MDGA2: variants seen among roughly 807,000 people sequenced by gnomAD.
The protein encoded by MDGA2 is MAM domain-containing glycosylphosphatidylinositol anchor protein 2.
In MDGA2, 40 loss-of-function variants were observed where a neutral mutation model predicts 117.8. That is an observed-to-expected ratio of 0.34 (90% CI 0.26 to 0.44). MDGA2 has a LOEUF of 0.44. Ranked by LOEUF, MDGA2 falls within the 20% of genes least tolerant of loss-of-function variation. The pLI, the probability that MDGA2 is intolerant of heterozygous loss-of-function variation, is 1.00. For synonymous variants in MDGA2, 452 were observed against 439.0 expected (o/e 1.03, Z -0.37); for missense variants, 1,123 against 1,250.6 (o/e 0.90, Z 1.54).
Position 47,284,604 on chromosome 14 carries a change from A to C in MDGA2, c.420+16807T>G, listed in dbSNP as rs75215737. Among the ~76,000 whole-genome samples the C allele has an allele frequency of 4.6e-5, 7 of 152,270 alleles. No individual in the cohort carries two copies. The East Asian group carries it at 1.4e-3, about 29-fold the overall frequency. On this transcript the variant is annotated intron_variant, in intron 2 of 16. Coordinates refer to ENST00000399232, the MANE Select transcript of MDGA2 (RefSeq NM_001113498.3). ...CTCATTATTTCTCAAACATAATGAG[A>C]AATGTCCCCAACCTGATTTTTGGAT...
intron 1 of MDGA2, among the ~76,000 whole-genome samples, chr14:47,446,560 A>C (rs1893126637): frequency 6.6e-6 from 1 of 152,138 alleles, no homozygotes; most frequent in African/African-American, 2.4e-5. Context: ...GTAAAAACGA[A>C]AGTGGGGAGT....
At chr14:46,952,252 T>G (rs542294497) in intron 9 of MDGA2, among the ~76,000 whole-genome samples, 8 of 151,906 alleles carry the variant, frequency 5.3e-5, no homozygotes, top group African/African-American at 1.7e-4. Flanking sequence ...AAAAAAAAAG[T>G]GTCTAAAATT....
At position 46,883,467 on chromosome 14, in the gene MDGA2, G is replaced by A. The variant is rs1270291007; in HGVS notation, c.2239-1246C>T. On this transcript the variant is annotated intron_variant, in intron 10 of 16. Coordinates refer to ENST00000399232, the MANE Select transcript of MDGA2 (RefSeq NM_001113498.3). ...CTGATAAAGAAGATCCAACAAAAAGGTAGAGGATGCTTTATTTTTAATGCT... is the reference window on the plus strand; with the variant it reads ...CTGATAAAGAAGATCCAACAAAAAGATAGAGGATGCTTTATTTTTAATGCT... 4.6e-5 allele frequency among the ~76,000 whole-genome samples: 7 copies of A among 152,088 alleles called. No homozygotes were observed. The South Asian group carries it at 1.5e-3, about 32-fold the overall frequency.
At chr14:47,053,648 TATATATAC>T (rs1387856007) in intron 7 of MDGA2, among the ~76,000 whole-genome samples, 134 of 42,146 alleles carry the variant, frequency 3.2e-3, no homozygotes, top group South Asian at 0.011. Context: ...TATATATATA[TATATATAC>T]ACACACACAC....
At chr14:47,375,959 C>A (rs1410720501) in intron 1 of MDGA2, among the ~76,000 whole-genome samples, 2 of 152,060 alleles carry the variant, frequency 1.3e-5, no homozygotes, top group African/African-American at 4.8e-5. Context: ...TTAGTTTCCA[C>A]CCAATCAGCC....
chr14:47,612,384 A>T (rs1896867312), intron 1 of MDGA2, among the ~76,000 whole-genome samples: 1 of 152,178 alleles, frequency 6.6e-6, no homozygotes, highest in Non-Finnish European at 1.5e-5. Flanking sequence ...AAAACTACCA[A>T]TCTAAAATAA....
intron 1 of MDGA2, among the ~76,000 whole-genome samples, chr14:47,339,681 C>T (rs980375508): frequency 6.6e-6 from 1 of 152,264 alleles, no homozygotes; most frequent in Admixed American, 6.5e-5. Flanking sequence ...CAGCCTGAAG[C>T]CCTCACCAGA....
chr14:47,008,668 C>A (rs1314992316), intron 8 of MDGA2, among the ~76,000 whole-genome samples: 1 of 151,850 alleles, frequency 6.6e-6, no homozygotes, highest in East Asian at 1.9e-4. Context: ...GTCACTTAAA[C>A]TTTTAAGCTA....
chr14:47,306,979 C>T (rs1889472446), intron 1 of MDGA2, among the ~76,000 whole-genome samples: 1 of 152,168 alleles, frequency 6.6e-6, no homozygotes, highest in Middle Eastern at 3.4e-3. Flanking sequence ...TTCTGTTTTG[C>T]TTGTAAAGCA....
intron 9 of MDGA2, among the ~76,000 whole-genome samples, chr14:46,934,054 T>C (rs1884689701): frequency 1.3e-5 from 2 of 151,584 alleles, no homozygotes; most frequent in Non-Finnish European, 2.9e-5. Flanking sequence ...ATTACTTAAA[T>C]TTGCTGAAAC....
chr14:47,043,880 T>G (rs1455552252), intron 7 of MDGA2, among the ~76,000 whole-genome samples: 1 of 152,122 alleles, frequency 6.6e-6, no homozygotes, highest in Non-Finnish European at 1.5e-5. Context: ...TTAAGTTTCT[T>G]GTTCTATTTA....
At chr14:47,154,563 C>A (rs892755993) in intron 3 of MDGA2, among the ~76,000 whole-genome samples, 2 of 152,186 alleles carry the variant, frequency 1.3e-5, no homozygotes, top group Non-Finnish European at 2.9e-5. Context: ...CCTGGCCTCT[C>A]CCGGCTCCCA....
At chr14:47,201,299 C>T (rs551064332) in intron 3 of MDGA2, among the ~76,000 whole-genome samples, 1 of 152,304 alleles carries the variant, frequency 6.6e-6, no homozygotes. Flanking sequence ...TTCCCTAATA[C>T]CCTCTACTGA....
At position 46,948,004 on chromosome 14, in the gene MDGA2, C is replaced by T. The variant is rs562864111; in HGVS notation, c.2089+9370G>A. Among the ~76,000 whole-genome samples, 4 of 151,950 alleles carry T rather than the reference C, an allele frequency of 2.6e-5. No homozygotes were observed. The East Asian group carries it at 7.8e-4, about 30-fold the overall frequency. ...CTCTACTGGGAGAGTTCCTCTATGACATCTTTCAAACTACTTATGCCTGCC... is the reference window on the plus strand; with the variant it reads ...CTCTACTGGGAGAGTTCCTCTATGATATCTTTCAAACTACTTATGCCTGCC... On this transcript the variant is annotated intron_variant, in intron 9 of 16. Transcript: ENST00000399232.
intron 3 of MDGA2, among the ~76,000 whole-genome samples, chr14:47,195,925 T>A (rs754702524): frequency 5.3e-5 from 8 of 152,194 alleles, no homozygotes; most frequent in Middle Eastern, 3.4e-3. Flanking sequence ...AGCATTCTAG[T>A]ATTAGCTAAT....
intron 2 of MDGA2, among the ~76,000 whole-genome samples, chr14:47,236,223 G>A (rs147518962): frequency 9.6e-4 from 145 of 150,262 alleles, no homozygotes; most frequent in African/African-American, 3.3e-3. Context: ...CCCAGGAGGC[G>A]GAGCTTGCAG....
intron 1 of MDGA2, among the ~76,000 whole-genome samples, chr14:47,593,787 G>C (rs568700760): frequency 4.6e-4 from 70 of 152,178 alleles, no homozygotes; most frequent in Admixed American, 7.9e-4. Context: ...TAATACCTAG[G>C]TGAAGGGCTG....
In MDGA2 at chr14:47,170,010, AAATGTTAAATATAAT is replaced by A. The variant is rs1884054088; in HGVS notation, c.596-25751_596-25737del. Among the ~76,000 whole-genome samples the A allele has an allele frequency of 2.6e-5, 4 of 152,174 alleles. No homozygotes were observed. The South Asian group carries it at 8.3e-4, about 31-fold the overall frequency. ...TACGATGAATTACTAAGTAAATACA[AAATGTTAAATATAAT>A]ATTGCAACAATCCGGAGTTAATCTG... On this transcript the variant is annotated intron_variant, in intron 3 of 16. Coordinates refer to ENST00000399232, the MANE Select transcript of MDGA2 (RefSeq NM_001113498.3).
chr14:47,386,976 G>T (rs960817688), intron 1 of MDGA2, among the ~76,000 whole-genome samples: 1 of 152,076 alleles, frequency 6.6e-6, no homozygotes, highest in Non-Finnish European at 1.5e-5. Context: ...TATGGCACAT[G>T]GTACATATTC....
Sources: allele counts gnomAD v4.1 joint callset (sites outside exome capture counted in the v4.1 genomes callset), GRCh38; gene constraint gnomAD v4.1.1; transcripts MANE v1.5; gene names NCBI Gene and HGNC (gene_info 2026-07-23, HGNC 2026-07-21).